SAMD4A: variants seen among roughly 807,000 people sequenced by gnomAD.
The protein encoded by SAMD4A is protein Smaug homolog 1.
In SAMD4A, 33 loss-of-function variants were observed where a neutral mutation model predicts 81.3. The ratio of observed to expected loss-of-function variants is 0.41; its 90% CI spans 0.31 to 0.54. The LOEUF (loss-of-function observed/expected upper bound fraction) is 0.54, where lower values mean the gene tolerates loss of function less well. Ranked by LOEUF, SAMD4A falls within the 20% of genes least tolerant of loss-of-function variation. The pLI is 0.37. For missense variants in SAMD4A, 854 were observed against 951.1 expected, an observed-to-expected ratio of 0.90 and a Z score of 1.34; for synonymous variants, 389 against 382.1, an observed-to-expected ratio of 1.02 and a Z score of -0.21.
chr14:54,705,184 T>C (rs984003573), intron 3 of SAMD4A, among the ~76,000 whole-genome samples: 2 of 85,622 alleles, frequency 2.3e-5, no homozygotes, highest in Non-Finnish European at 5.8e-5. Context: ...GGGTACCTGT[T>C]AGATGAATAA....
rs149913114 is a variant in SAMD4A, at chr14:54,583,701, C to A, written c.196+15589C>A. 1.5e-3 allele frequency among the ~76,000 whole-genome samples: 226 copies of A among 152,318 alleles called. 4 individuals carry two copies. The South Asian group carries it at 0.027, about 18-fold the overall frequency. ...TGACAGTTTTAAGATCTTCTTCTAA[C>A]ACACTTGAATAGAATGGATACTGGA... On this transcript the variant is annotated intron_variant, in intron 2 of 12. Transcript: ENST00000554335.
intron 2 of SAMD4A, among the ~76,000 whole-genome samples, chr14:54,650,123 CAA>C (rs1433592029): frequency 6.6e-6 from 1 of 152,098 alleles, no homozygotes; most frequent in Non-Finnish European, 1.5e-5. Flanking sequence ...CCTTACCTGC[CAA>C]AGTCAACAGA....
intron 2 of SAMD4A, among the ~76,000 whole-genome samples, chr14:54,673,642 C>T (rs912079393): frequency 1.3e-5 from 2 of 152,166 alleles, no homozygotes; most frequent in Admixed American, 6.5e-5. Flanking sequence ...AGCTGTCTAC[C>T]GAAGCCCTGG....
intron 2 of SAMD4A, chr14:54,693,274 T>C (rs2036497423): frequency 6.6e-6 from 1 of 152,226 alleles, no homozygotes; most frequent in Admixed American, 6.5e-5. Context: ...AGTTTGTGTG[T>C]GACAGTTGGT....
chr14:54,736,924 A>T (rs2037708958), intron 3 of SAMD4A, 100 bp from the exon 4 acceptor site: 1 of 1,339,668 alleles, frequency 7.5e-7, no homozygotes, highest in Non-Finnish European at 1.0e-6. Flanking sequence ...GTTGTAAGAC[A>T]GTTAGTGGTA....
intron 9 of SAMD4A, among the ~76,000 whole-genome samples, chr14:54,773,341 C>T (rs989836897): frequency 5.3e-5 from 8 of 152,224 alleles, no homozygotes; most frequent in East Asian, 1.9e-4. Flanking sequence ...CCCTGCTTCC[C>T]GGAGTCTCCC....
At chr14:54,747,008 T>A (rs562152532) in intron 4 of SAMD4A, among the ~76,000 whole-genome samples, 1 of 152,298 alleles carries the variant, frequency 6.6e-6, no homozygotes, top group Non-Finnish European at 1.5e-5. Flanking sequence ...GTGAAATAGC[T>A]CCAGGATGTT....
chr14:54,668,563 C>CTTTT (rs2035803941), intron 2 of SAMD4A, among the ~76,000 whole-genome samples: 1 of 152,172 alleles, frequency 6.6e-6, no homozygotes, highest in Admixed American at 6.5e-5. Flanking sequence ...CTTTCTATCT[C>CTTTT]TGTCCTTACT....
intron 3 of SAMD4A, among the ~76,000 whole-genome samples, chr14:54,712,525 G>C (rs28707162): frequency 3.3e-5 from 5 of 151,898 alleles, no homozygotes; most frequent in African/African-American, 1.2e-4. Context: ...ACATGACTCA[G>C]TGATATCTCA....
chr14:54,633,488 G>A (rs1246037342), intron 2 of SAMD4A, among the ~76,000 whole-genome samples: 2 of 152,120 alleles, frequency 1.3e-5, no homozygotes, highest in Admixed American at 6.5e-5. Flanking sequence ...ATGTGGGGTC[G>A]TGAGTAGTTG....
intron 2 of SAMD4A, among the ~76,000 whole-genome samples, chr14:54,657,857 TAC>T (rs1198087429): frequency 2.0e-5 from 3 of 152,222 alleles, no homozygotes; most frequent in Non-Finnish European, 4.4e-5. Flanking sequence ...GTCTAAAGAC[TAC>T]TTGTTTGTGA....
chr14:54,573,838 A>G (rs1236105917), intron 2 of SAMD4A, among the ~76,000 whole-genome samples: 1 of 152,226 alleles, frequency 6.6e-6, no homozygotes, highest in African/African-American at 2.4e-5. Flanking sequence ...TCTGCTGCCT[A>G]CATCCCAAGA....
At chr14:54,665,239 G>T (rs2035732528) in intron 2 of SAMD4A, among the ~76,000 whole-genome samples, 1 of 152,182 alleles carries the variant, frequency 6.6e-6, no homozygotes, top group Non-Finnish European at 1.5e-5. Context: ...GGCTAATGTG[G>T]AATGCTTAAA....
intron 2 of SAMD4A, among the ~76,000 whole-genome samples, chr14:54,601,459 C>G (rs2140224353): frequency 6.6e-6 from 1 of 152,338 alleles, no homozygotes; most frequent in African/African-American, 2.4e-5. Flanking sequence ...TCTCCTGCTT[C>G]CTTCTGAACT....
intron 2 of SAMD4A, among the ~76,000 whole-genome samples, chr14:54,602,715 G>A (rs1390190081): frequency 6.6e-6 from 1 of 151,584 alleles, no homozygotes; most frequent in Non-Finnish European, 1.5e-5. Context: ...GTTAATGGGT[G>A]CAGCACACCA....
rs539886816 is a variant in SAMD4A, at chr14:54,729,502, G to C, written c.716-7522G>C. Among the ~76,000 whole-genome samples, 23 of 152,222 alleles carry C rather than the reference G, an allele frequency of 1.5e-4. No homozygotes were observed. In the South Asian group the frequency reaches 4.2e-3, roughly 27 times the overall value. On this transcript the variant is annotated intron_variant, in intron 3 of 12. Coordinates refer to ENST00000554335, the MANE Select transcript of SAMD4A (RefSeq NM_015589.6). Reference sequence around the variant, plus strand: ...GGCTTAAATTCACTCCTGGCCACTTGCTTAACTCCATTATTTTCCCTACTT... The same window carrying C: ...GGCTTAAATTCACTCCTGGCCACTTCCTTAACTCCATTATTTTCCCTACTT...
At chr14:54,750,340 G>A (rs1261212984) in intron 5 of SAMD4A, among the ~76,000 whole-genome samples, 1 of 152,142 alleles carries the variant, frequency 6.6e-6, no homozygotes, top group African/African-American at 2.4e-5. Flanking sequence ...TAAAGATGTT[G>A]TTGATATTCC....
Position 54,567,814 on chromosome 14 carries a change from ACG to A in SAMD4A, c.-100_-99del, listed in dbSNP as rs1566523995. 2.0e-5 allele frequency: 25 copies of A among 1,273,838 alleles called. No homozygotes were observed. The highest frequency in any genetic ancestry group is 2.6e-5 in the Non-Finnish European group (24 of 929,568). The allele number at this position is 1,273,838 out of a possible 1,614,324, so 78.9% of individuals were successfully genotyped here. On this transcript the variant is annotated 5_prime_UTR_variant, in exon 2 of 13. Coordinates refer to ENST00000554335, the MANE Select transcript of SAMD4A (RefSeq NM_015589.6). ...GCACCAGAGCCACCTTGGAACAGGAACGCGTCTCCGGCCGCGGGGCTGCGGCT... is the reference window on the plus strand; with the variant it reads ...GCACCAGAGCCACCTTGGAACAGGAACGTCTCCGGCCGCGGGGCTGCGGCT...
intron 2 of SAMD4A, among the ~76,000 whole-genome samples, chr14:54,625,907 A>G (rs565826255): frequency 1.3e-5 from 2 of 151,694 alleles, no homozygotes; most frequent in Admixed American, 6.5e-5. Flanking sequence ...TTCTGCTTCA[A>G]ACTTTTAGTT....
Sources: allele counts gnomAD v4.1 joint callset (sites outside exome capture counted in the v4.1 genomes callset), GRCh38; gene constraint gnomAD v4.1.1; transcripts MANE v1.5; gene names NCBI Gene and HGNC (gene_info 2026-07-23, HGNC 2026-07-21).